FHIT: variants seen among roughly 807,000 people sequenced by gnomAD.
FHIT encodes fragile histidine triad diadenosine triphosphatase, also known as bis(5'-adenosyl)-triphosphatase.
A neutral mutation model predicts 17.9 loss-of-function variants in FHIT; 19 were observed. The observed-to-expected ratio is 1.06, with a 90% CI of 0.74 to 1.56. FHIT has a LOEUF of 1.56. Among genes scored for constraint, FHIT ranks in the 40% most tolerant of loss-of-function variants. The pLI, the probability that FHIT is intolerant of heterozygous loss-of-function variation, is 0.00. For synonymous variants in FHIT, 81 were observed against 69.7 expected (o/e 1.16, Z -0.81); for missense variants, 248 against 189.2 (o/e 1.31, Z -1.82).
At chr3:60,467,667 A>G (rs430815) in intron 5 of FHIT, among the ~76,000 whole-genome samples, 47,956 of 151,872 alleles carry the variant, frequency 0.32, 10,727 homozygotes, top group African/African-American at 0.62. Context: ...ATTTTATTCC[A>G]TGGTGGTCAG....
At chr3:60,955,605 T>TATATATATATATATATATATATAC (rs1709083517) in intron 3 of FHIT, among the ~76,000 whole-genome samples, 4 of 85,654 alleles carry the variant, frequency 4.7e-5, no homozygotes, top group African/African-American at 1.9e-4. Context: ...TACATATATA[T>TATATATATATATATATATATATAC]ATATATATAT....
intron 5 of FHIT, among the ~76,000 whole-genome samples, chr3:60,533,972 A>C (rs1231667233): frequency 6.6e-6 from 1 of 152,192 alleles, no homozygotes. Context: ...GGGCTAGACT[A>C]GGGCAGGCAG....
intron 8 of FHIT, among the ~76,000 whole-genome samples, chr3:59,780,516 G>A (rs1702533749): frequency 6.6e-6 from 1 of 152,152 alleles, no homozygotes. Context: ...GTTCCAGGGT[G>A]GTATGGACTG....
chr3:60,690,938 A>G (rs1244681699), intron 4 of FHIT, among the ~76,000 whole-genome samples: 1 of 151,494 alleles, frequency 6.6e-6, no homozygotes, highest in South Asian at 2.1e-4. Flanking sequence ...TTTGTACCAT[A>G]TAGTGTGGCC....
intron 4 of FHIT, among the ~76,000 whole-genome samples, chr3:60,714,811 C>T (rs1401081276): frequency 1.3e-5 from 2 of 152,150 alleles, no homozygotes; most frequent in East Asian, 1.9e-4. Context: ...AAGAACATTC[C>T]ATGCTCATGA....
chr3:60,404,263 A>G (rs1233922946), intron 5 of FHIT, among the ~76,000 whole-genome samples: 1 of 152,180 alleles, frequency 6.6e-6, no homozygotes, highest in Admixed American at 6.5e-5. Flanking sequence ...CAGTAACAAG[A>G]ACAATGGAGA....
intron 3 of FHIT, among the ~76,000 whole-genome samples, chr3:60,969,236 A>G (rs1433689890): frequency 6.6e-6 from 1 of 152,160 alleles, no homozygotes; most frequent in Non-Finnish European, 1.5e-5. Flanking sequence ...CCCTAAAAAT[A>G]TATCAAATTT....
intron 7 of FHIT, among the ~76,000 whole-genome samples, chr3:59,957,181 G>A (rs1384726022): frequency 1.3e-5 from 2 of 152,206 alleles, no homozygotes; most frequent in Non-Finnish European, 2.9e-5. Flanking sequence ...GGGCTTTAAA[G>A]AGGAAAGTAA....
At chr3:60,301,507 G>A (rs746830700) in intron 5 of FHIT, among the ~76,000 whole-genome samples, 6 of 152,088 alleles carry the variant, frequency 3.9e-5, no homozygotes, top group Non-Finnish European at 7.4e-5. Flanking sequence ...CTGCCTAGTT[G>A]ATCAATTCTG....
At chr3:60,122,288 T>C (rs138192918) in intron 5 of FHIT, among the ~76,000 whole-genome samples, 7 of 152,220 alleles carry the variant, frequency 4.6e-5, no homozygotes, top group African/African-American at 1.4e-4. Flanking sequence ...ACAGATAAGA[T>C]CCTATGATAC....
chr3:60,059,481 G>A (rs1702216237), intron 5 of FHIT, among the ~76,000 whole-genome samples: 1 of 152,088 alleles, frequency 6.6e-6, no homozygotes, highest in Non-Finnish European at 1.5e-5. Flanking sequence ...ACGTCAAAAG[G>A]TCAAACGTTA....
At chr3:60,095,558 G>A (rs530209926) in intron 5 of FHIT, among the ~76,000 whole-genome samples, 1 of 152,194 alleles carries the variant, frequency 6.6e-6, no homozygotes, top group African/African-American at 2.4e-5. Flanking sequence ...AATATCACAT[G>A]TGAGTCTTGC....
intron 3 of FHIT, among the ~76,000 whole-genome samples, chr3:60,915,255 T>C (rs1706943242): frequency 6.6e-6 from 1 of 152,150 alleles, no homozygotes; most frequent in African/African-American, 2.4e-5. Flanking sequence ...TAACAATGAT[T>C]AAAACATTTT....
rs932487653 is a variant in FHIT at position 59,923,207 on chromosome 3, A to C, written c.280-793T>G. Reference sequence around the variant, plus strand: ...GCCACTGCACTCCAGCCTGGGCGACAGAGCGAGACTCCTCAAAAAAAAAAA... The same window carrying C: ...GCCACTGCACTCCAGCCTGGGCGACCGAGCGAGACTCCTCAAAAAAAAAAA... On this transcript the variant is annotated intron_variant, in intron 7 of 9. Coordinates refer to ENST00000492590, the MANE Select transcript of FHIT (RefSeq NM_002012.4). Among the ~76,000 whole-genome samples, 8 of 130,478 alleles carry C rather than the reference A, an allele frequency of 6.1e-5. No homozygotes were observed. The Admixed American group carries it at 7.3e-4, about 12-fold the overall frequency. 85.6% of individuals were successfully genotyped at this position (130,478 alleles called of 152,430 possible).
chr3:60,296,475 T>C (rs750201309), intron 5 of FHIT, among the ~76,000 whole-genome samples: 4 of 152,128 alleles, frequency 2.6e-5, no homozygotes, highest in Non-Finnish European at 5.9e-5. Context: ...GCTGTCCATG[T>C]CTTTTGCCCA....
chr3:59,836,357 T>C (rs187987963), intron 8 of FHIT, among the ~76,000 whole-genome samples: 11 of 152,222 alleles, frequency 7.2e-5, no homozygotes, highest in African/African-American at 2.6e-4. Context: ...TGAGAGCTGG[T>C]TTGACACATT....
rs138283397 is a variant in FHIT, at chr3:60,712,312, C to T, written c.-18+109607G>A. Among the ~76,000 whole-genome samples, 345 of 152,252 alleles carry T rather than the reference C, an allele frequency of 2.3e-3. 2 individuals carry two copies. Among genetic ancestry groups the T allele is most frequent in the African/African-American group, 7.9e-3 (329 of 41,528 alleles). Reference sequence around the variant, plus strand: ...GGAAAGGAACAACCGGTACCAGCCGCTGCAAAATCATGCCAAAATGTAAAG... The same window carrying T: ...GGAAAGGAACAACCGGTACCAGCCGTTGCAAAATCATGCCAAAATGTAAAG... On this transcript the variant is annotated intron_variant, in intron 4 of 9. Transcript: ENST00000492590.
At chr3:60,134,993 G>C (rs556662113) in intron 5 of FHIT, among the ~76,000 whole-genome samples, 1 of 152,198 alleles carries the variant, frequency 6.6e-6, no homozygotes, top group South Asian at 2.1e-4. Flanking sequence ...GGGAGGAAAG[G>C]AGATGAAAAA....
chr3:61,049,949 A>C (rs1380795724), intron 2 of FHIT, among the ~76,000 whole-genome samples: 1 of 152,170 alleles, frequency 6.6e-6, no homozygotes, highest in Non-Finnish European at 1.5e-5. Flanking sequence ...GAAGCTGAAC[A>C]AACAGGCCTT....
Sources: gnomAD v4.1 joint callset for allele counts (sites outside exome capture counted in the v4.1 genomes callset) on GRCh38, gnomAD v4.1.1 for gene constraint, MANE v1.5 for transcripts, NCBI Gene and HGNC (gene_info 2026-07-23, HGNC 2026-07-21) for gene names.